RAB7B: variants seen among roughly 807,000 people sequenced by gnomAD.
RAB7B encodes ras-related protein Rab-7b.
Position 205,992,554 on chromosome 1 carries a change from C to T in RAB7B, c.322G>A (p.Ala108Thr). Reference sequence around the variant, plus strand: ...GACTGCTCCATGGGGACAATCTTGGCCAGGACATCACCCCGCCAGATATCC... The same window carrying T: ...GACTGCTCCATGGGGACAATCTTGGTCAGGACATCACCCCGCCAGATATCC... Reference protein sequence around the residue: ...ALDIWRGDVLAKIVPMEQSYP... With the variant: ...ALDIWRGDVLTKIVPMEQSYP... The change falls in exon 4 of 6, where the codon GCC (alanine) becomes ACC (threonine). Residue 108 changes from alanine to threonine, a missense_variant. Physicochemically the swap from Ala to Thr is moderately conservative, Grantham distance 58. Transcript: ENST00000617070. The T allele has an allele frequency of 2.5e-6, 1 of 398,674 alleles. No homozygotes were observed. The highest frequency in any genetic ancestry group is 4.4e-6 in the Non-Finnish European group (1 of 226,088). 24.7% of individuals were successfully genotyped at this position (398,674 alleles called of 1,614,324 possible). A position where few individuals can be genotyped will look rare whatever the true frequency, so the allele number is the denominator to read the frequency against.
Position 205,977,979 on chromosome 1 carries a change from C to T in RAB7B, c.*872G>A, listed in dbSNP as rs930043870. On this transcript the variant is annotated 3_prime_UTR_variant, in exon 6 of 6. Transcript: ENST00000617070. ...TCTGCGTCTCTCCCTCACCAGATGT[C>T]GGCTCCAGGAGGGCAGAGTCCCTGT... 0.05 allele frequency: 7,600 copies of T among 152,302 alleles called. 220 individuals carry two copies. The highest frequency in any genetic ancestry group is 0.077 in the Non-Finnish European group (5,233 of 68,036). 9.4% of individuals were successfully genotyped at this position (152,302 alleles called of 1,614,324 possible). A position where few individuals can be genotyped will look rare whatever the true frequency, so the allele number is the denominator to read the frequency against.
chr1:205,993,333 G>C, intron 3 of RAB7B, 87 bp downstream of exon 3: 1 of 396,252 alleles, frequency 2.5e-6, no homozygotes. Context: ...TCTAGCTCTG[G>C]TTCACATTGC....
intron 4 of RAB7B, among the ~76,000 whole-genome samples, chr1:205,991,067 G>A (rs1256723019): frequency 1.3e-5 from 2 of 152,072 alleles, no homozygotes; most frequent in Non-Finnish European, 2.9e-5. Flanking sequence ...CACTGTGCCC[G>A]GCCAAGACTG....
chr1:205,976,816 G>A lies in RAB7B; in HGVS notation c.*2035C>T, dbSNP rs1660384573. On this transcript the variant is annotated 3_prime_UTR_variant, in exon 6 of 6. Transcript: ENST00000617070. ...TCCACAGGTCCACTGCAGTGCACAA[G>A]CTGCTGCATGCACACCGCACGTGAC... 1 of 152,190 alleles carries A rather than the reference G, an allele frequency of 6.6e-6. No individual in the cohort carries two copies. Among genetic ancestry groups the A allele is most frequent in the Non-Finnish European group, 1.5e-5 (1 of 68,032 alleles). 9.4% of individuals were successfully genotyped at this position (152,190 alleles called of 1,614,324 possible). A position where few individuals can be genotyped will look rare whatever the true frequency, so the allele number is the denominator to read the frequency against.
intron 1 of RAB7B, among the ~76,000 whole-genome samples, chr1:205,996,113 CTT>C (rs1358435351): frequency 7.2e-6 from 1 of 139,022 alleles, no homozygotes; most frequent in Non-Finnish European, 1.5e-5. Context: ...ATAAATATGT[CTT>C]GTTCCTATAA....
chr1:206,000,821 C>A (rs1660879595), intron 1 of RAB7B, among the ~76,000 whole-genome samples: 1 of 152,218 alleles, frequency 6.6e-6, no homozygotes, highest in Admixed American at 6.5e-5. Context: ...CAAGCACCAC[C>A]CTGTGCTTGA....
In RAB7B at chr1:205,978,806, C is replaced by T. The variant is rs1558141596; in HGVS notation, c.*45G>A. 1.5e-5 allele frequency: 6 copies of T among 398,478 alleles called. No individual in the cohort carries two copies. The highest frequency in any genetic ancestry group is 6.2e-5 in the African/African-American group (3 of 48,618). The allele number at this position is 398,478 out of a possible 1,614,324, so 24.7% of individuals were successfully genotyped here. ...TTCTCAAGCCTGGGGTGACCAGGCTCGGGGCAGGCTCTGTTTCTGGGCTTC... is the reference window on the plus strand; with the variant it reads ...TTCTCAAGCCTGGGGTGACCAGGCTTGGGGCAGGCTCTGTTTCTGGGCTTC... On this transcript the variant is annotated 3_prime_UTR_variant, in exon 6 of 6. Transcript: ENST00000617070.
At chr1:205,999,322 C>T (rs949839053) in intron 1 of RAB7B, among the ~76,000 whole-genome samples, 5 of 152,156 alleles carry the variant, frequency 3.3e-5, no homozygotes, top group Admixed American at 6.5e-5. Context: ...GGGCAAAGAA[C>T]GTGAACAAGT....
chr1:205,998,249 AG>A (rs1243183521), intron 1 of RAB7B, among the ~76,000 whole-genome samples: 6 of 152,126 alleles, frequency 3.9e-5, no homozygotes, highest in Admixed American at 3.9e-4. Context: ...CCAGCTACTT[AG>A]GAGGCTGAGG....
intron 4 of RAB7B, among the ~76,000 whole-genome samples, chr1:205,990,563 G>C (rs1178687861): frequency 1.3e-5 from 2 of 152,168 alleles, no homozygotes; most frequent in Non-Finnish European, 2.9e-5. Context: ...ACAGGCTGGG[G>C]CTGGCTAAAT....
At chr1:205,979,900 T>C (rs1035482661) in intron 5 of RAB7B, among the ~76,000 whole-genome samples, 1 of 152,240 alleles carries the variant, frequency 6.6e-6, no homozygotes, top group Middle Eastern at 3.4e-3. Flanking sequence ...CCTCCTTGTC[T>C]CTGATTTTAT....
At chr1:206,002,467 A>G (rs1660906766) in intron 1 of RAB7B, among the ~76,000 whole-genome samples, 1 of 152,158 alleles carries the variant, frequency 6.6e-6, no homozygotes, top group South Asian at 2.1e-4. Context: ...CCACTCATCC[A>G]TCCATCTGTT....
At chr1:205,989,834 C>A (rs1346005414) in intron 4 of RAB7B, among the ~76,000 whole-genome samples, 2 of 152,176 alleles carry the variant, frequency 1.3e-5, no homozygotes, top group African/African-American at 4.8e-5. Context: ...AACTCCCAGT[C>A]TCCTCCTTCA....
chr1:205,991,216 CA>C (rs1217302185), intron 4 of RAB7B, among the ~76,000 whole-genome samples: 1 of 152,220 alleles, frequency 6.6e-6, no homozygotes, highest in Non-Finnish European at 1.5e-5. Flanking sequence ...TCAAGGTTGG[CA>C]GTGAGATTCT....
At chr1:205,996,657 T>G (rs1660817025) in intron 1 of RAB7B, among the ~76,000 whole-genome samples, 1 of 152,202 alleles carries the variant, frequency 6.6e-6, no homozygotes, top group African/African-American at 2.4e-5. Context: ...ATGAACCATG[T>G]CATGGACTGT....
chr1:205,984,421 C>G (rs1660553804), intron 5 of RAB7B, among the ~76,000 whole-genome samples: 1 of 152,202 alleles, frequency 6.6e-6, no homozygotes, highest in African/African-American at 2.4e-5. Context: ...GATGCTTCCA[C>G]ATAAGGGAAG....
At chr1:205,979,479 G>A (rs930263259) in intron 5 of RAB7B, among the ~76,000 whole-genome samples, 33 of 152,086 alleles carry the variant, frequency 2.2e-4, no homozygotes, top group Non-Finnish European at 4.3e-4. Context: ...GGGTCCAGAG[G>A]AAGCCCCTTC....
intron 4 of RAB7B, among the ~76,000 whole-genome samples, chr1:205,990,051 A>G (rs922716657): frequency 2.6e-5 from 4 of 152,284 alleles, no homozygotes; most frequent in Admixed American, 6.5e-5. Context: ...CCCTACAGAC[A>G]TGAAACAAGA....
At chr1:205,994,023 G>A (rs1396115910) in intron 2 of RAB7B, 60 bp downstream of exon 2, 14 of 398,444 alleles carry the variant, frequency 3.5e-5, no homozygotes, top group Non-Finnish European at 4.4e-5. Flanking sequence ...CACATCAGGA[G>A]GTCTCACTGT....
Sources: allele counts gnomAD v4.1 joint callset (sites outside exome capture counted in the v4.1 genomes callset), GRCh38; gene constraint gnomAD v4.1.1; transcripts MANE v1.5; gene names NCBI Gene and HGNC (gene_info 2026-07-23, HGNC 2026-07-21).